Variants in C3orf49 observed in about 807,000 individuals in gnomAD.
C3orf49 encodes putative uncharacterized protein C3orf49.
A neutral mutation model predicts 13.3 loss-of-function variants in C3orf49; 27 were observed. That is an observed-to-expected ratio of 2.02 (90% CI 1.49 to 2.79). The LOEUF (loss-of-function observed/expected upper bound fraction) is 2.79, where lower values mean the gene tolerates loss of function less well. Ranked by LOEUF, C3orf49 falls within the 30% of genes most tolerant of loss-of-function variation. The pLI, the probability that C3orf49 is intolerant of heterozygous loss-of-function variation, is 0.00. For synonymous variants in C3orf49, 87 were observed against 47.6 expected (o/e 1.83, Z -3.40); for missense variants, 242 against 134.2 (o/e 1.80, Z -3.97).
the C3orf49 span, among the ~76,000 whole-genome samples, chr3:63,781,140 T>G: frequency 8.6e-5 from 13 of 151,194 alleles, no homozygotes; most frequent in Non-Finnish European, 1.5e-4. Flanking sequence ...ATTTAAGTCT[T>G]TAATCCATCT....
At chr3:63,796,060 TTAA>T in the C3orf49 span, among the ~76,000 whole-genome samples, 5 of 152,300 alleles carry the variant, frequency 3.3e-5, no homozygotes, top group East Asian at 9.6e-4. Context: ...CAGTAAAATA[TTAA>T]TAATAGAATC....
chr3:63,813,167 C>A, the C3orf49 span, among the ~76,000 whole-genome samples: 1 of 152,172 alleles, frequency 6.6e-6, no homozygotes, highest in Admixed American at 6.5e-5. Context: ...ATTTAATCCT[C>A]CACTGGTAGA....
the C3orf49 span, among the ~76,000 whole-genome samples, chr3:63,804,217 T>A: frequency 6.6e-6 from 1 of 152,276 alleles, no homozygotes; most frequent in Admixed American, 6.5e-5. Context: ...GATACTGGTT[T>A]GTGGCCTGGG....
At chr3:63,846,352 A>G (rs1339969229) in intron 6 of C3orf49, 1 of 243,602 alleles carries the variant, frequency 4.1e-6, no homozygotes, top group Non-Finnish European at 8.5e-6. Flanking sequence ...AAACCTAGAG[A>G]AAAATTTCAC....
At chr3:63,846,073 G>C (rs1206196959) in intron 6 of C3orf49, 1 of 289,232 alleles carries the variant, frequency 3.5e-6, no homozygotes. Flanking sequence ...AAGAGCTAAT[G>C]AAAAGCTGGA....
At chr3:63,800,554 A>G in the C3orf49 span, among the ~76,000 whole-genome samples, 4 of 152,274 alleles carry the variant, frequency 2.6e-5, no homozygotes, top group Non-Finnish European at 5.9e-5. Flanking sequence ...ACATTTAAAC[A>G]GGAACAATGT....
At chr3:63,816,017 C>T (rs907400217), upstream of C3orf49, among the ~76,000 whole-genome samples, 1 of 151,770 alleles carries the variant, frequency 6.6e-6, no homozygotes, top group African/African-American at 2.4e-5. Flanking sequence ...ATCTCTTGAC[C>T]TCGTGATCTG....
chr3:63,806,254 C>T, the C3orf49 span, among the ~76,000 whole-genome samples: 1 of 152,210 alleles, frequency 6.6e-6, no homozygotes, highest in South Asian at 2.1e-4. Context: ...GCTCTGGTTG[C>T]CCCTGGCGCT....
chr3:63,804,766 A>T, the C3orf49 span, among the ~76,000 whole-genome samples: 1 of 152,284 alleles, frequency 6.6e-6, no homozygotes, highest in African/African-American at 2.4e-5. Context: ...ACTTTTGGGT[A>T]TATTCACTTG....
intron 5 of C3orf49, among the ~76,000 whole-genome samples, chr3:63,841,013 G>T (rs1468949882): frequency 6.6e-6 from 1 of 152,196 alleles, no homozygotes; most frequent in Non-Finnish European, 1.5e-5. Flanking sequence ...ATAGTAGAAA[G>T]ATTGCAAACC....
At chr3:63,791,335 G>A in the C3orf49 span, among the ~76,000 whole-genome samples, 1 of 152,188 alleles carries the variant, frequency 6.6e-6, no homozygotes, top group African/African-American at 2.4e-5. Flanking sequence ...CCTTATATGT[G>A]AGTAGCATTT....
chr3:63,790,380 T>C, the C3orf49 span, among the ~76,000 whole-genome samples: 14 of 152,172 alleles, frequency 9.2e-5, no homozygotes, highest in Non-Finnish European at 1.6e-4. Flanking sequence ...ACCAAAGTAA[T>C]GTTTATGTAC....
chr3:63,831,327 AATG>A, intron 4 of C3orf49, 104 bp downstream of exon 4: 1 of 630,470 alleles, frequency 1.6e-6, no homozygotes, highest in Non-Finnish European at 2.8e-6. Flanking sequence ...GGATGAAATT[AATG>A]ATTAGCATTA....
intron 1 of C3orf49, among the ~76,000 whole-genome samples, chr3:63,822,177 G>C (rs901345811): frequency 2.6e-5 from 4 of 152,154 alleles, no homozygotes; most frequent in African/African-American, 9.6e-5. Flanking sequence ...GGGTTTCACC[G>C]TGTTAGCCAG....
chr3:63,824,141 A>G (rs943997654), intron 2 of C3orf49, among the ~76,000 whole-genome samples: 2 of 152,062 alleles, frequency 1.3e-5, no homozygotes, highest in Non-Finnish European at 2.9e-5. Flanking sequence ...GGTTCCTTCC[A>G]GTTCAATTAA....
chr3:63,788,673 A>G, the C3orf49 span, among the ~76,000 whole-genome samples: 3 of 152,006 alleles, frequency 2.0e-5, no homozygotes, highest in African/African-American at 7.2e-5. Flanking sequence ...CTTTAACCTC[A>G]TTTAATCCTC....
chr3:63,834,156 G>A, intron 5 of C3orf49: 5 of 1,614,042 alleles, frequency 3.1e-6, no homozygotes, highest in Non-Finnish European at 4.2e-6. Flanking sequence ...CTGTTTCCAT[G>A]CTTGCTTCCT....
the C3orf49 span, among the ~76,000 whole-genome samples, chr3:63,798,808 A>C: frequency 6.6e-6 from 1 of 152,186 alleles, no homozygotes; most frequent in Non-Finnish European, 1.5e-5. Flanking sequence ...TTCTGAGAGA[A>C]CATTGCATAG....
the C3orf49 span, among the ~76,000 whole-genome samples, chr3:63,789,500 T>C: frequency 6.6e-6 from 1 of 152,150 alleles, no homozygotes; most frequent in African/African-American, 2.4e-5. Flanking sequence ...CACTTCACCC[T>C]GAGCATTTTC....
Sources: allele counts gnomAD v4.1 joint callset (sites outside exome capture counted in the v4.1 genomes callset), GRCh38; gene constraint gnomAD v4.1.1; transcripts MANE v1.5; gene names NCBI Gene and HGNC (gene_info 2026-07-23, HGNC 2026-07-21).